Variants in SLC41A2 observed in about 807,000 individuals in gnomAD.
SLC41A2 encodes the protein SLC41A1-like 1.
SLC41A2 carries 32 observed loss-of-function variants against 58.3 expected under a neutral mutation model. The observed-to-expected ratio is 0.55, with a 90% confidence interval of 0.41 to 0.74. SLC41A2 has a LOEUF of 0.74. Ranked by LOEUF, SLC41A2 falls within the 30% of genes least tolerant of loss-of-function variation. SLC41A2 has a pLI of 0.00. For missense variants in SLC41A2, 514 were observed against 680.6 expected (o/e 0.76, Z 2.72); for synonymous variants, 190 against 235.0 (o/e 0.81, Z 1.75).
At chr12:104,826,335 T>C (rs768105017) in intron 10 of SLC41A2, among the ~76,000 whole-genome samples, 14 of 152,238 alleles carry the variant, frequency 9.2e-5, no homozygotes, top group Admixed American at 3.3e-4. Context: ...GGAACTTTTC[T>C]GTAGATGCGA....
intron 3 of SLC41A2, among the ~76,000 whole-genome samples, chr12:104,898,229 T>C (rs2045389184): frequency 6.6e-6 from 1 of 152,118 alleles, no homozygotes. Flanking sequence ...AACACAGTGG[T>C]TTTAAAATTT....
At chr12:104,886,881 C>A (rs991856311) in intron 5 of SLC41A2, among the ~76,000 whole-genome samples, 1 of 151,930 alleles carries the variant, frequency 6.6e-6, no homozygotes, top group Admixed American at 6.6e-5. Context: ...TTACATATGG[C>A]AGCTAGAAAT....
chr12:104,870,650 A>C (rs2043721946), intron 6 of SLC41A2, among the ~76,000 whole-genome samples: 2 of 152,200 alleles, frequency 1.3e-5, no homozygotes, highest in Admixed American at 1.3e-4. Flanking sequence ...ATGCCTCCTA[A>C]CTGGCAAACA....
intron 10 of SLC41A2, among the ~76,000 whole-genome samples, chr12:104,810,579 C>G (rs1225804064): frequency 6.6e-6 from 1 of 152,172 alleles, no homozygotes; most frequent in African/African-American, 2.4e-5. Context: ...CAAATTCAGT[C>G]TGCCACCTAT....
intron 6 of SLC41A2, among the ~76,000 whole-genome samples, chr12:104,872,557 A>T (rs2043840346): frequency 6.6e-6 from 1 of 152,108 alleles, no homozygotes; most frequent in South Asian, 2.1e-4. Context: ...AAGATGGCAA[A>T]ATCCCGTCTC....
intron 2 of SLC41A2, among the ~76,000 whole-genome samples, chr12:104,920,316 T>C (rs1298766790): frequency 6.6e-6 from 1 of 152,170 alleles, no homozygotes; most frequent in East Asian, 1.9e-4. Context: ...ATCTTATTTA[T>C]ATCTACAAAA....
chr12:104,834,618 G>T (rs1273617134), intron 10 of SLC41A2, among the ~76,000 whole-genome samples: 1 of 151,568 alleles, frequency 6.6e-6, no homozygotes, highest in Non-Finnish European at 1.5e-5. Context: ...TAAATCTCCT[G>T]GTTGCTTAGG....
chr12:104,944,125 C>T (rs139488308), intron 1 of SLC41A2, among the ~76,000 whole-genome samples: 81 of 152,288 alleles, frequency 5.3e-4, no homozygotes, highest in African/African-American at 1.8e-3. Flanking sequence ...TTTTAGACCA[C>T]GAATATCTCA....
chr12:104,938,316 T>C (rs564038140), intron 1 of SLC41A2, among the ~76,000 whole-genome samples: 2 of 152,192 alleles, frequency 1.3e-5, no homozygotes, highest in Non-Finnish European at 2.9e-5. Flanking sequence ...GTTCTTCAAA[T>C]TGTGCATATA....
intron 10 of SLC41A2, among the ~76,000 whole-genome samples, chr12:104,831,601 G>A (rs918723793): frequency 1.3e-5 from 2 of 152,110 alleles, no homozygotes; most frequent in African/African-American, 4.8e-5. Flanking sequence ...TACACTTGTT[G>A]AGAATGTAAT....
chr12:104,918,911 C>A (rs2135830688), intron 2 of SLC41A2, among the ~76,000 whole-genome samples: 1 of 152,236 alleles, frequency 6.6e-6, no homozygotes, highest in East Asian at 1.9e-4. Context: ...TACAATATCA[C>A]AACCAAGATA....
At chr12:104,816,044 G>GGTGAA (rs1592925254) in intron 10 of SLC41A2, among the ~76,000 whole-genome samples, 1 of 152,168 alleles carries the variant, frequency 6.6e-6, no homozygotes, top group East Asian at 1.9e-4. Flanking sequence ...GATGCAGAAA[G>GGTGAA]GTGAAGTGGT....
chr12:104,835,016 A>G (rs922064971), intron 10 of SLC41A2, among the ~76,000 whole-genome samples: 4 of 152,196 alleles, frequency 2.6e-5, no homozygotes, highest in Non-Finnish European at 5.9e-5. Context: ...CTCCACTGCC[A>G]CCCTAAGAGA....
intron 8 of SLC41A2, among the ~76,000 whole-genome samples, chr12:104,857,953 A>T (rs2043078908): frequency 6.6e-6 from 1 of 152,182 alleles, no homozygotes. Context: ...ATACATATGT[A>T]ACAAACCTGC....
At chr12:104,828,537 C>A (rs2041930580) in intron 10 of SLC41A2, among the ~76,000 whole-genome samples, 1 of 152,142 alleles carries the variant, frequency 6.6e-6, no homozygotes, top group Admixed American at 6.5e-5. Flanking sequence ...TGTAAACAAT[C>A]ACCCCTAGAC....
At chr12:104,911,903 A>C (rs1349838324) in intron 2 of SLC41A2, among the ~76,000 whole-genome samples, 1 of 152,236 alleles carries the variant, frequency 6.6e-6, no homozygotes, top group East Asian at 1.9e-4. Context: ...TGATGGGCTA[A>C]CAATTCTGAT....
intron 10 of SLC41A2, among the ~76,000 whole-genome samples, chr12:104,828,946 G>T (rs2041947849): frequency 6.6e-6 from 1 of 152,070 alleles, no homozygotes; most frequent in African/African-American, 2.4e-5. Context: ...TGATCACCAT[G>T]ATACTACCTT....
rs944798900 is a variant in SLC41A2, at chr12:104,803,168, T to G, written c.*1984A>C. The G allele has an allele frequency of 1.3e-5, 2 of 152,150 alleles. No homozygotes were observed. The highest frequency in any genetic ancestry group is 2.9e-5 in the Non-Finnish European group (2 of 68,004). The allele number at this position is 152,150 out of a possible 1,614,324, so 9.4% of individuals were successfully genotyped here. ...TTTTTAAAAATCAAAATAGAAATCATTGGGAAATGTAAATGTTTATGAATC... is the reference window on the plus strand; with the variant it reads ...TTTTTAAAAATCAAAATAGAAATCAGTGGGAAATGTAAATGTTTATGAATC... On this transcript the variant is annotated 3_prime_UTR_variant, in exon 11 of 11. Coordinates refer to ENST00000258538, the MANE Select transcript of SLC41A2 (RefSeq NM_001352171.3).
chr12:104,827,114 G>A (rs2041873174), intron 10 of SLC41A2, among the ~76,000 whole-genome samples: 1 of 152,182 alleles, frequency 6.6e-6, no homozygotes, highest in African/African-American at 2.4e-5. Flanking sequence ...GATTTGATGA[G>A]AATCCCACTG....
Sources: allele counts gnomAD v4.1 joint callset (sites outside exome capture counted in the v4.1 genomes callset), GRCh38; gene constraint gnomAD v4.1.1; transcripts MANE v1.5; gene names NCBI Gene and HGNC (gene_info 2026-07-23, HGNC 2026-07-21).